Variants in FTO observed in about 807,000 individuals in gnomAD.
The protein encoded by FTO is alpha-ketoglutarate-dependent dioxygenase FTO.
In FTO, 47 loss-of-function variants were observed where a neutral mutation model predicts 63.9. The ratio of observed to expected loss-of-function variants is 0.74; its 90% CI spans 0.58 to 0.94. The LOEUF is 0.94. Ranked by LOEUF, FTO falls within the 40% of genes least tolerant of loss-of-function variation. The pLI is 0.00. For synonymous variants in FTO, 207 were observed against 224.4 expected (o/e 0.92, Z 0.69); for missense variants, 562 against 618.1 (o/e 0.91, Z 0.96).
intron 8 of FTO, among the ~76,000 whole-genome samples, chr16:53,972,870 G>A (rs2083359468): frequency 6.6e-6 from 1 of 152,172 alleles, no homozygotes; most frequent in African/African-American, 2.4e-5. Flanking sequence ...TTGTCTGACA[G>A]CCACTGTAAA....
At chr16:53,704,995 A>G (rs2075548456) in intron 1 of FTO, among the ~76,000 whole-genome samples, 1 of 147,008 alleles carries the variant, frequency 6.8e-6, no homozygotes, top group South Asian at 2.2e-4. Context: ...TGATTTGTCT[A>G]CGTATATTGG....
At chr16:54,058,831 T>TA (rs1411773040) in intron 8 of FTO, among the ~76,000 whole-genome samples, 5 of 152,132 alleles carry the variant, frequency 3.3e-5, no homozygotes, top group Non-Finnish European at 5.9e-5. Flanking sequence ...AATAAATAAA[T>TA]AAAAAATCTG....
intron 8 of FTO, among the ~76,000 whole-genome samples, chr16:54,038,964 T>C (rs1443274904): frequency 1.3e-5 from 2 of 152,210 alleles, no homozygotes; most frequent in East Asian, 3.8e-4. Context: ...TAAATACATC[T>C]GTTCACATGT....
chr16:53,847,981 T>G (rs1567356320), intron 4 of FTO, among the ~76,000 whole-genome samples: 1 of 152,186 alleles, frequency 6.6e-6, no homozygotes, highest in Non-Finnish European at 1.5e-5. Flanking sequence ...GTCTTATTTT[T>G]AGATGTAGGT....
chr16:53,956,662 T>G, intron 8 of FTO: 1 of 150,102 alleles, frequency 6.7e-6, no homozygotes, highest in Middle Eastern at 3.4e-3. Context: ...TTTTTTTTTT[T>G]TCTTCTTTTT....
At chr16:53,815,459 C>T (rs2078648810) in intron 2 of FTO, among the ~76,000 whole-genome samples, 2 of 152,048 alleles carry the variant, frequency 1.3e-5, no homozygotes, top group South Asian at 2.1e-4. Context: ...CCACATTGAT[C>T]ACTTTCTGCC....
intron 4 of FTO, among the ~76,000 whole-genome samples, chr16:53,861,892 A>G (rs17820328): frequency 0.054 from 8,279 of 152,136 alleles, 244 homozygotes; most frequent in Middle Eastern, 0.092. Context: ...GTGACTTCCT[A>G]TCCTTTCACT....
At chr16:53,780,254 C>G (rs1053846051) in intron 1 of FTO, among the ~76,000 whole-genome samples, 2 of 152,082 alleles carry the variant, frequency 1.3e-5, no homozygotes, top group African/African-American at 4.8e-5. Flanking sequence ...AGCCACCAGA[C>G]TGGTTCTTCC....
chr16:53,909,644 G>C lies in FTO; in HGVS notation c.1239+20693G>C, dbSNP rs2080448. Among the ~76,000 whole-genome samples, 60 of 142,908 alleles carry C rather than the reference G, an allele frequency of 4.2e-4. No homozygotes were observed. In the South Asian group the frequency reaches 0.01, roughly 24 times the overall value. 93.8% of individuals were successfully genotyped at this position (142,908 alleles called of 152,430 possible). Reference sequence around the variant, plus strand: ...AGTGGTGCAATCATGGCTCACTGCAGCCTCCGCCTCCCAGGTTCAAGCGAT... The same window carrying C: ...AGTGGTGCAATCATGGCTCACTGCACCCTCCGCCTCCCAGGTTCAAGCGAT... On this transcript the variant is annotated intron_variant, in intron 7 of 8. Transcript: ENST00000471389.
intron 1 of FTO, among the ~76,000 whole-genome samples, chr16:53,737,725 T>G (rs2151529072): frequency 6.6e-6 from 1 of 152,330 alleles, no homozygotes; most frequent in Admixed American, 6.5e-5. Flanking sequence ...ACATGTTTAT[T>G]GGCTCCCTTA....
intron 8 of FTO, among the ~76,000 whole-genome samples, chr16:54,023,168 G>A (rs768045818): frequency 1.3e-5 from 2 of 152,192 alleles, no homozygotes; most frequent in Non-Finnish European, 2.9e-5. Flanking sequence ...TAGCAATTAC[G>A]CATCTTCTGT....
intron 7 of FTO, among the ~76,000 whole-genome samples, chr16:53,897,004 C>T (rs559089400): frequency 1.6e-4 from 25 of 152,138 alleles, no homozygotes; most frequent in African/African-American, 5.6e-4. Flanking sequence ...TTGGCCCTTC[C>T]GTGCCTTATG....
At chr16:53,720,382 GTTTT>G (rs1231382501) in intron 1 of FTO, among the ~76,000 whole-genome samples, 1 of 151,716 alleles carries the variant, frequency 6.6e-6, no homozygotes, top group Admixed American at 6.6e-5. Context: ...TTTAAAATAG[GTTTT>G]TAGCATTCTT....
chr16:53,994,930 C>T (rs565180360), intron 8 of FTO, among the ~76,000 whole-genome samples: 1 of 152,242 alleles, frequency 6.6e-6, no homozygotes, highest in East Asian at 1.9e-4. Flanking sequence ...AGACGGGTTT[C>T]ACCATGTTGG....
chr16:54,031,698 A>G (rs1372003788), intron 8 of FTO, among the ~76,000 whole-genome samples: 2 of 152,198 alleles, frequency 1.3e-5, no homozygotes, highest in African/African-American at 4.8e-5. Flanking sequence ...ATCTGTGACC[A>G]TGAGCTATGT....
At chr16:54,017,646 T>C (rs1309033677) in intron 8 of FTO, among the ~76,000 whole-genome samples, 1 of 152,220 alleles carries the variant, frequency 6.6e-6, no homozygotes, top group African/African-American at 2.4e-5. Context: ...CCATCCCATA[T>C]GTGTTAACTA....
chr16:53,979,126 GA>G (rs2083488173), intron 8 of FTO, among the ~76,000 whole-genome samples: 1 of 151,942 alleles, frequency 6.6e-6, no homozygotes, highest in Non-Finnish European at 1.5e-5. Flanking sequence ...ATACATCACT[GA>G]AAAATAATTT....
intron 4 of FTO, among the ~76,000 whole-genome samples, chr16:53,871,680 T>C (rs1442224712): frequency 1.3e-5 from 2 of 152,166 alleles, no homozygotes; most frequent in African/African-American, 4.8e-5. Context: ...TACATACTTT[T>C]GGCTTTTGCT....
chr16:54,004,468 A>G (rs2144022478), intron 8 of FTO, among the ~76,000 whole-genome samples: 1 of 152,250 alleles, frequency 6.6e-6, no homozygotes, highest in South Asian at 2.1e-4. Context: ...AGAATATCCT[A>G]TGTTGGATTA....
Sources: allele counts gnomAD v4.1 joint callset (sites outside exome capture counted in the v4.1 genomes callset), GRCh38; gene constraint gnomAD v4.1.1; transcripts MANE v1.5; gene names NCBI Gene and HGNC (gene_info 2026-07-23, HGNC 2026-07-21).